Variants in RANBP17 observed in about 807,000 individuals in gnomAD.
RANBP17 encodes RAN binding protein 17.
A neutral mutation model predicts 141.2 loss-of-function variants in RANBP17; 158 were observed. The ratio of observed to expected loss-of-function variants is 1.12; its 90% CI spans 0.98 to 1.28. The LOEUF is 1.28. Among genes scored for constraint, RANBP17 ranks in the 50% most tolerant of loss-of-function variants. RANBP17 has a pLI of 0.00. For synonymous variants in RANBP17, 430 were observed against 450.0 expected (o/e 0.96, Z 0.56); for missense variants, 1,438 against 1,290.7 (o/e 1.11, Z -1.75).
At chr5:171,067,565 T>G (rs1439972603) in intron 14 of RANBP17, among the ~76,000 whole-genome samples, 1 of 152,198 alleles carries the variant, frequency 6.6e-6, no homozygotes, top group Non-Finnish European at 1.5e-5. Context: ...GGGGCTAGTC[T>G]GTTAGTAATG....
Position 171,020,956 on chromosome 5 carries a change from A to G in RANBP17, c.1710+52579A>G, listed in dbSNP as rs1183102778. On this transcript the variant is annotated intron_variant, in intron 14 of 27. Transcript: ENST00000523189. ...TAGTGCTTCCTTCAAGAGCTCTTGT[A>G]AGGCAGGCCTGGTGGTGACAAAATC... Among the ~76,000 whole-genome samples, 5 of 152,240 alleles carry G rather than the reference A, an allele frequency of 3.3e-5. No homozygotes were observed. The East Asian group carries it at 7.7e-4, about 24-fold the overall frequency.
chr5:171,171,225 TG>T lies in RANBP17; in HGVS notation c.1808del (p.Gly603GlufsTer6). On this transcript the variant is annotated frameshift_variant, in exon 16 of 28. Transcript: ENST00000523189. LOFTEE classifies it high-confidence loss of function. ...MTKIVTNLKY[W>X]GRYEPVISRT... ...ATTTAGTGTTACAAACCTTAAATAC[TG>T]GGGAAGATATGAGCCTGTAATTTCA... is the stretch of plus-strand genomic sequence containing the variant. The T allele has an allele frequency of 6.3e-7, 1 of 1,591,536 alleles. No individual in the cohort carries two copies. Among genetic ancestry groups the T allele is most frequent in the Non-Finnish European group, 8.6e-7 (1 of 1,165,424 alleles).
intron 8 of RANBP17, among the ~76,000 whole-genome samples, chr5:170,915,759 C>T (rs575436867): frequency 6.6e-6 from 1 of 152,040 alleles, no homozygotes; most frequent in Non-Finnish European, 1.5e-5. Flanking sequence ...CTGCCCCCCC[C>T]AACAGGATAC....
chr5:171,052,873 A>T (rs189497416), intron 14 of RANBP17, among the ~76,000 whole-genome samples: 1 of 150,526 alleles, frequency 6.6e-6, no homozygotes, highest in East Asian at 2.0e-4. Context: ...TTTTTTTGAG[A>T]TGGAGTTTCA....
At chr5:171,099,708 T>G (rs1786991061) in intron 14 of RANBP17, among the ~76,000 whole-genome samples, 1 of 152,214 alleles carries the variant, frequency 6.6e-6, no homozygotes, top group African/African-American at 2.4e-5. Flanking sequence ...CTTCCAGTTT[T>G]TGCCCATTCA....
At chr5:171,252,987 AG>A in intron 24 of RANBP17, 2 of 1,332,746 alleles carry the variant, frequency 1.5e-6, no homozygotes, top group Non-Finnish European at 2.2e-6. Context: ...CTCGGGATTG[AG>A]GGGGAACCGT....
intron 14 of RANBP17, among the ~76,000 whole-genome samples, chr5:170,995,781 T>C (rs1387866379): frequency 6.6e-6 from 1 of 152,162 alleles, no homozygotes. Context: ...TTGCATATAA[T>C]CTTACATTTA....
intron 24 of RANBP17, among the ~76,000 whole-genome samples, chr5:171,259,946 A>T (rs943258618): frequency 1.3e-5 from 2 of 151,406 alleles, no homozygotes; most frequent in Admixed American, 1.3e-4. Context: ...GCGCCACTGC[A>T]CTGCAACCTG....
At chr5:171,122,224 T>C (rs1215900601) in intron 14 of RANBP17, among the ~76,000 whole-genome samples, 2 of 152,220 alleles carry the variant, frequency 1.3e-5, no homozygotes, top group Non-Finnish European at 1.5e-5. Flanking sequence ...TGCTGTACTC[T>C]AGTGCTCTCC....
intron 13 of RANBP17, among the ~76,000 whole-genome samples, chr5:170,961,265 A>G (rs141595902): frequency 6.2e-4 from 94 of 152,290 alleles, no homozygotes; most frequent in African/African-American, 1.9e-3. Flanking sequence ...CCTGACACAT[A>G]TCTGACGTAT....
chr5:171,067,586 G>T (rs1030395182), intron 14 of RANBP17, among the ~76,000 whole-genome samples: 1 of 151,840 alleles, frequency 6.6e-6, no homozygotes. Flanking sequence ...GGCTTCTTTA[G>T]CTTCTTAAAA....
chr5:171,166,122 CT>C (rs1487031235), intron 14 of RANBP17, among the ~76,000 whole-genome samples: 1 of 152,120 alleles, frequency 6.6e-6, no homozygotes, highest in African/African-American at 2.4e-5. Context: ...ATCATTTCTG[CT>C]CTCAGGGAGC....
intron 25 of RANBP17, among the ~76,000 whole-genome samples, chr5:171,281,505 A>G (rs747817851): frequency 1.3e-5 from 2 of 152,192 alleles, no homozygotes; most frequent in Non-Finnish European, 2.9e-5. Flanking sequence ...GGTGGGCAGT[A>G]GAAGATTAAT....
chr5:171,041,886 C>T (rs1007607809), intron 14 of RANBP17, among the ~76,000 whole-genome samples: 1 of 151,942 alleles, frequency 6.6e-6, no homozygotes, highest in Non-Finnish European at 1.5e-5. Flanking sequence ...TATCCTGATG[C>T]TCTCCCTCCC....
intron 14 of RANBP17, among the ~76,000 whole-genome samples, chr5:171,089,826 G>C (rs1353256541): frequency 2.0e-5 from 3 of 152,216 alleles, no homozygotes; most frequent in African/African-American, 7.2e-5. Flanking sequence ...CTCGCGCACG[G>C]TGCGTGCACC....
chr5:171,021,958 G>T (rs1167007729), intron 14 of RANBP17, among the ~76,000 whole-genome samples: 1 of 152,014 alleles, frequency 6.6e-6, no homozygotes, highest in East Asian at 1.9e-4. Context: ...TTTTTCTGTG[G>T]ACTTTTTTGT....
intron 14 of RANBP17, among the ~76,000 whole-genome samples, chr5:171,124,073 AATG>A (rs1041261565): frequency 3.9e-5 from 6 of 152,278 alleles, no homozygotes; most frequent in East Asian, 3.9e-4. Flanking sequence ...AGTTCAAAAT[AATG>A]ATAAGATACA....
chr5:171,171,034 A>G, intron 15 of RANBP17, among the ~76,000 whole-genome samples, 172 bp from the exon 16 acceptor site: 1 of 152,150 alleles, frequency 6.6e-6, no homozygotes, highest in East Asian at 1.9e-4. Flanking sequence ...CAGATTGCAT[A>G]TAATTTTGAA....
rs537505027 is a variant in RANBP17, at chr5:171,061,564, G to T, written c.1710+93187G>T. 3.1e-3 allele frequency among the ~76,000 whole-genome samples: 468 copies of T among 152,272 alleles called. 3 individuals are homozygous for T. Among genetic ancestry groups the T allele is most frequent in the African/African-American group, 0.011 (443 of 41,556 alleles). Reference sequence around the variant, plus strand: ...ATTTCTGATCTTTTACATTTGCTGAGGAGAGCTTTACTTCCAACTATGTGG... The same window carrying T: ...ATTTCTGATCTTTTACATTTGCTGATGAGAGCTTTACTTCCAACTATGTGG... On this transcript the variant is annotated intron_variant, in intron 14 of 27. Coordinates refer to ENST00000523189, the MANE Select transcript of RANBP17 (RefSeq NM_022897.5).
Sources: allele counts gnomAD v4.1 joint callset (sites outside exome capture counted in the v4.1 genomes callset), GRCh38; gene constraint gnomAD v4.1.1; transcripts MANE v1.5; gene names NCBI Gene and HGNC (gene_info 2026-07-23, HGNC 2026-07-21).